The following SORBS2 variants were observed in gnomAD, a reference collection of about 807,000 sequenced individuals.
SORBS2 encodes the protein sorbin and SH3 domain-containing protein 2.
In SORBS2, 46 loss-of-function variants were observed where a neutral mutation model predicts 97.7. That is an observed-to-expected ratio of 0.47 (90% CI 0.37 to 0.60). SORBS2 has a LOEUF of 0.60. Ranked by LOEUF, SORBS2 falls within the 20% of genes least tolerant of loss-of-function variation. SORBS2 has a pLI of 0.00. For synonymous variants in SORBS2, 476 were observed against 473.4 expected, an observed-to-expected ratio of 1.01 and a Z score of -0.07; for missense variants, 1,316 against 1,282.3, an observed-to-expected ratio of 1.03 and a Z score of -0.40.
At chr4:185,948,045 T>G in intron 1 of SORBS2, among the ~76,000 whole-genome samples, 1 of 152,238 alleles carries the variant, frequency 6.6e-6, no homozygotes, top group East Asian at 1.9e-4. Context: ...TTAATGTATT[T>G]TTGTTGTTGT....
chr4:185,837,742 A>T (rs1160927764), intron 1 of SORBS2, among the ~76,000 whole-genome samples: 1 of 152,188 alleles, frequency 6.6e-6, no homozygotes, highest in Non-Finnish European at 1.5e-5. Flanking sequence ...TAATCAGCAT[A>T]AAGTATTAAA....
At position 185,607,931 on chromosome 4, in the gene SORBS2, C is replaced by A. The variant is rs1290845227; in HGVS notation, c.2796+3849G>T. 1.3e-5 allele frequency among the ~76,000 whole-genome samples: 2 copies of A among 151,982 alleles called. No individual in the cohort carries two copies. The highest frequency in any genetic ancestry group is 2.9e-5 in the Non-Finnish European group (2 of 68,010). ...TGGTCTTGAACTCCTGACCTCGTGACCCACCCACCTCAGCCTCCCAAAGTG... is the reference window on the plus strand; with the variant it reads ...TGGTCTTGAACTCCTGACCTCGTGAACCACCCACCTCAGCCTCCCAAAGTG... On this transcript the variant is annotated intron_variant, in intron 12 of 14. Transcript: ENST00000418609. This position sits in a 1 kb window ranked among gnomAD's most constrained non-coding sequence, Gnocchi z 5.2.
chr4:185,804,395 G>T (rs1052446063), intron 1 of SORBS2, among the ~76,000 whole-genome samples: 2 of 152,164 alleles, frequency 1.3e-5, no homozygotes, highest in South Asian at 2.1e-4. Context: ...TCTCGTGGAG[G>T]TCACTTTCAC....
At chr4:185,652,786 C>T (rs2097336178) in intron 1 of SORBS2, 58 bp from the exon 10 acceptor site, 9 of 1,208,868 alleles carry the variant, frequency 7.4e-6, no homozygotes, top group Non-Finnish European at 1.1e-5. Context: ...CATCGCTTCT[C>T]AGTGTTTTCA....
At chr4:185,848,536 A>G (rs538405723) in intron 1 of SORBS2, among the ~76,000 whole-genome samples, 8 of 151,820 alleles carry the variant, frequency 5.3e-5, no homozygotes, top group South Asian at 4.2e-4. Context: ...GTCTTAGAAA[A>G]ACTGTCACAC....
rs28501584 is a variant in SORBS2, at chr4:185,913,753, A to T, written c.-338+42443T>A. On this transcript the variant is annotated intron_variant, in intron 1 of 20. Coordinates refer to the SORBS2 transcript ENST00000284776. ...GATTCTCATTATTCTGGATTTTAGG[A>T]TGTATGAATGACTCTTCAAAGACTC... 4.5e-3 allele frequency among the ~76,000 whole-genome samples: 688 copies of T among 152,290 alleles called. 6 individuals are homozygous for T. The highest frequency in any genetic ancestry group is 0.016 in the African/African-American group (659 of 41,568).
chr4:185,606,381 T>G lies in SORBS2; in HGVS notation c.2796+5399A>C. Reference sequence around the variant, plus strand: ...ATGGTCCTGAAGAAAAATGGGATAATGGAATTATATCACATATTTACATCA... The same window carrying G: ...ATGGTCCTGAAGAAAAATGGGATAAGGGAATTATATCACATATTTACATCA... On this transcript the variant is annotated intron_variant, in intron 12 of 14. Transcript: ENST00000418609. This position sits in a 1 kb window ranked among gnomAD's most constrained non-coding sequence, Gnocchi z 4.3. 1 of 965,918 alleles carries G rather than the reference T, an allele frequency of 1.0e-6. No homozygotes were observed. The highest frequency in any genetic ancestry group is 1.2e-6 in the Non-Finnish European group (1 of 812,300). 59.8% of individuals were successfully genotyped at this position (965,918 alleles called of 1,614,324 possible).
upstream of SORBS2, among the ~76,000 whole-genome samples, chr4:185,660,876 G>T (rs993147330): frequency 6.6e-6 from 1 of 152,162 alleles, no homozygotes; most frequent in African/African-American, 2.4e-5. Flanking sequence ...AAGCTTCCTA[G>T]TGAGTCGACA....
At chr4:185,927,895 G>C (rs918119181) in intron 1 of SORBS2, among the ~76,000 whole-genome samples, 2 of 152,082 alleles carry the variant, frequency 1.3e-5, no homozygotes, top group African/African-American at 4.8e-5. Flanking sequence ...CACCAACACG[G>C]ACTTCTGATT....
intron 2 of SORBS2, among the ~76,000 whole-genome samples, chr4:185,731,769 C>CCTGTCTCTCTCTCTTCCTCCCT (rs2098634685): frequency 3.3e-5 from 2 of 60,234 alleles, no homozygotes; most frequent in Non-Finnish European, 5.8e-5. Context: ...CCTCCCTCCC[C>CCTGTCTCTCTCTCTTCCTCCCT]GCCTGTCTCT....
intron 1 of SORBS2, among the ~76,000 whole-genome samples, chr4:185,860,991 A>G (rs1241202135): frequency 6.6e-6 from 1 of 152,226 alleles, no homozygotes; most frequent in African/African-American, 2.4e-5. Flanking sequence ...GGTTCTCTGT[A>G]GAATGCAGAC....
chr4:185,766,390 G>T (rs1006956567), intron 2 of SORBS2, among the ~76,000 whole-genome samples: 2 of 152,072 alleles, frequency 1.3e-5, no homozygotes, highest in African/African-American at 4.8e-5. Flanking sequence ...TCTTAACCAT[G>T]GTCTTCAACA....
chr4:185,659,065 C>A (rs1441518075), upstream of SORBS2, among the ~76,000 whole-genome samples: 1 of 152,082 alleles, frequency 6.6e-6, no homozygotes, highest in African/African-American at 2.4e-5. Flanking sequence ...AAATTCAGAT[C>A]TCTCTGAGGT....
At chr4:185,656,834 T>C in exon 1 of SORBS2, 1 of 1,379,632 alleles carries the variant, frequency 7.2e-7, no homozygotes, top group South Asian at 1.7e-5. Context: ...ACACTTTCAC[T>C]TATCATCCCA....
intron 2 of SORBS2, among the ~76,000 whole-genome samples, chr4:185,714,625 G>T (rs2098450238): frequency 6.6e-6 from 1 of 152,170 alleles, no homozygotes; most frequent in East Asian, 1.9e-4. Context: ...TGGACTCACA[G>T]CTCCACATGG....
chr4:185,740,045 C>G (rs954648507), intron 2 of SORBS2: 2 of 152,632 alleles, frequency 1.3e-5, no homozygotes, highest in East Asian at 1.9e-4. Context: ...GAGCCCAACA[C>G]GGTGAGTTTG....
At chr4:185,864,139 C>T (rs2648120) in intron 1 of SORBS2, among the ~76,000 whole-genome samples, 69,693 of 151,936 alleles carry the variant, frequency 0.46, 16,477 homozygotes, top group African/African-American at 0.53. Context: ...GCCATTATTA[C>T]TATCAACTGG....
intron 1 of SORBS2, among the ~76,000 whole-genome samples, chr4:185,840,020 AG>A (rs752337124): frequency 2.0e-5 from 3 of 152,052 alleles, no homozygotes; most frequent in Non-Finnish European, 2.9e-5. Flanking sequence ...GTGGAAAGAG[AG>A]GAGAGGAGCA....
At chr4:185,610,992 A>G (rs576334636) in intron 12 of SORBS2, among the ~76,000 whole-genome samples, 1 of 152,182 alleles carries the variant, frequency 6.6e-6, no homozygotes, top group Non-Finnish European at 1.5e-5. Flanking sequence ...CATTGTGAGT[A>G]CAGACAAATA....
Sources: allele counts gnomAD v4.1 joint callset (sites outside exome capture counted in the v4.1 genomes callset), GRCh38; gene constraint gnomAD v4.1.1; non-coding constraint Gnocchi (gnomAD v3.1); transcripts MANE v1.5; gene names NCBI Gene and HGNC (gene_info 2026-07-23, HGNC 2026-07-21).